Variants in ADNP observed in about 807,000 individuals in gnomAD.
The protein encoded by ADNP is activity-dependent neuroprotector homeobox protein.
ADNP carries 4 observed loss-of-function variants against 84.9 expected under a neutral mutation model. The ratio of observed to expected loss-of-function variants is 0.05; its 90% CI spans 0.02 to 0.11. The LOEUF (loss-of-function observed/expected upper bound fraction) is 0.11, where lower values mean the gene tolerates loss of function less well. Among genes scored for constraint, ADNP ranks in the 10% least tolerant of loss-of-function variants. ADNP has a pLI of 1.00. For missense variants in ADNP, 1,132 were observed against 1,326.0 expected, an observed-to-expected ratio of 0.85 and a Z score of 2.27; for synonymous variants, 554 against 468.1, an observed-to-expected ratio of 1.18 and a Z score of -2.37.
intron 2 of ADNP, among the ~76,000 whole-genome samples, chr20:50,910,778 G>A (rs903249726): frequency 1.3e-5 from 2 of 151,956 alleles, no homozygotes; most frequent in Admixed American, 6.6e-5. Flanking sequence ...CCTCAGCCTC[G>A]CAAGTAGATG....
chr20:50,899,801 A>C (rs1444409727), intron 5 of ADNP, among the ~76,000 whole-genome samples: 2 of 151,992 alleles, frequency 1.3e-5, no homozygotes, highest in Admixed American at 1.3e-4. Flanking sequence ...AAAAAAAAAA[A>C]AAAGTTTAAG....
intron 2 of ADNP, among the ~76,000 whole-genome samples, chr20:50,927,261 C>T (rs1368425054): frequency 1.3e-5 from 2 of 152,118 alleles, no homozygotes; most frequent in Non-Finnish European, 2.9e-5. Flanking sequence ...AAATCAATGA[C>T]TTCCAAGGTT....
intron 2 of ADNP, among the ~76,000 whole-genome samples, chr20:50,905,776 A>G (rs775544681): frequency 7.9e-5 from 12 of 152,244 alleles, no homozygotes; most frequent in Non-Finnish European, 1.5e-4. Flanking sequence ...TTGTGAAGCC[A>G]ACTACAGACT....
At chr20:50,904,382 A>C in intron 3 of ADNP, 1 of 168,694 alleles carries the variant, frequency 5.9e-6, no homozygotes, top group Admixed American at 5.9e-5. Context: ...TGCCCAACTA[A>C]TTTTTAAAAT....
chr20:50,900,942 A>G (rs1158099799), intron 5 of ADNP, among the ~76,000 whole-genome samples: 1 of 152,242 alleles, frequency 6.6e-6, no homozygotes, highest in Non-Finnish European at 1.5e-5. Flanking sequence ...ATTCAAATCA[A>G]GAAGTTAAAT....
At chr20:50,921,062 A>G (rs1983927640) in intron 2 of ADNP, among the ~76,000 whole-genome samples, 1 of 152,240 alleles carries the variant, frequency 6.6e-6, no homozygotes, top group Non-Finnish European at 1.5e-5. Context: ...GAAGGACACT[A>G]TCTCATTGTT....
chr20:50,913,799 G>C (rs56248493), intron 2 of ADNP: 12 of 489,934 alleles, frequency 2.4e-5, no homozygotes, highest in South Asian at 2.1e-4. Context: ...AGGTGAAGGA[G>C]AGGATTCTGG....
At chr20:50,901,951 G>A (rs1982028250) in intron 5 of ADNP, 66 bp downstream of exon 5, 12 of 1,184,970 alleles carry the variant, frequency 1.0e-5, no homozygotes, top group Middle Eastern at 1.9e-4. Context: ...GCTATAAAAG[G>A]CCTAGAGCTG....
At chr20:50,904,136 C>T in intron 3 of ADNP, 135 bp from the exon 4 acceptor site, 1 of 622,706 alleles carries the variant, frequency 1.6e-6, no homozygotes, top group Non-Finnish European at 2.8e-6. Context: ...CTAGTGTGTA[C>T]ACACACAGAC....
chr20:50,891,965 G>C lies in ADNP; in HGVS notation c.2749C>G (p.Pro917Ala), dbSNP rs142988030. ...TCCTCAGATTCTGAAGCATCCTCAG[G>C]AATTACCTTCAGTACATGTTCCTCT... ...NPEEHVLKVI[P>A]EDASESEEKL... Residue 917 changes from proline to alanine, a missense_variant, in exon 6 of 6, where the codon CCT becomes GCT. By Grantham distance (27) the Pro-to-Ala change is conservative (BLOSUM62 -1). This residue lies in a region of ADNP where 381 missense variants were observed against 319.9 expected (regional missense o/e 1.19). Coordinates refer to ENST00000621696, the MANE Select transcript of ADNP (RefSeq NM_001282531.3). The C allele has an allele frequency of 1.2e-6, 2 of 1,614,018 alleles. No individual in the cohort carries two copies. Among genetic ancestry groups the C allele is most frequent in the Non-Finnish European group, 1.7e-6 (2 of 1,180,024 alleles).
At chr20:50,923,654 A>G (rs1200478581) in intron 2 of ADNP, among the ~76,000 whole-genome samples, 1 of 152,148 alleles carries the variant, frequency 6.6e-6, no homozygotes, top group Non-Finnish European at 1.5e-5. Context: ...AGTAGCTGAG[A>G]CTACATGTGA....
chr20:50,915,820 G>A (rs1160744102), intron 2 of ADNP, among the ~76,000 whole-genome samples: 1 of 152,204 alleles, frequency 6.6e-6, no homozygotes, highest in Non-Finnish European at 1.5e-5. Flanking sequence ...GAACCAGGAA[G>A]ATAAGAAAGA....
At chr20:50,906,805 G>C (rs905280443) in intron 2 of ADNP, among the ~76,000 whole-genome samples, 1 of 152,104 alleles carries the variant, frequency 6.6e-6, no homozygotes, top group Non-Finnish European at 1.5e-5. Flanking sequence ...TTCAGCCACA[G>C]AGTTGGTGTT....
At chr20:50,900,420 A>C (rs906496169) in intron 5 of ADNP, among the ~76,000 whole-genome samples, 1 of 152,214 alleles carries the variant, frequency 6.6e-6, no homozygotes, top group African/African-American at 2.4e-5. Flanking sequence ...ATTTCTCAGA[A>C]TGCATCCCAT....
chr20:50,896,889 T>A (rs1427594797), intron 5 of ADNP, among the ~76,000 whole-genome samples: 1 of 152,056 alleles, frequency 6.6e-6, no homozygotes, highest in Non-Finnish European at 1.5e-5. Flanking sequence ...ACCATGAATA[T>A]TCTTCTCTAT....
chr20:50,899,054 G>T (rs1204967056), intron 5 of ADNP, among the ~76,000 whole-genome samples: 6 of 152,080 alleles, frequency 3.9e-5, no homozygotes, highest in Non-Finnish European at 7.4e-5. Context: ...CTTATATGTG[G>T]ATTTTTTCCA....
intron 2 of ADNP, among the ~76,000 whole-genome samples, chr20:50,925,817 G>A (rs1167357311): frequency 6.6e-6 from 1 of 152,368 alleles, no homozygotes; most frequent in Non-Finnish European, 1.5e-5. Context: ...AACTAGGAGA[G>A]GGGCTGGGAG....
rs1449393175 is a variant in ADNP at position 50,890,153 on chromosome 20, A to AG, written c.*1251_*1252insC. The stretch of plus-strand genomic sequence containing the variant: ...AGTTAAAAAAAAAAAAAAAAAAAAA[A>AG]AAAAAAAAGAAAAACAGATTTTGTA... On this transcript the variant is annotated 3_prime_UTR_variant, in exon 6 of 6. Transcript: ENST00000621696. 8 of 264,076 alleles carry AG rather than the reference A, an allele frequency of 3.0e-5. No individual in the cohort carries two copies. Among genetic ancestry groups the AG allele is most frequent in the Non-Finnish European group, 4.2e-5 (6 of 143,950 alleles). 16.4% of individuals were successfully genotyped at this position (264,076 alleles called of 1,614,324 possible).
chr20:50,902,964 G>GT (rs1982130819), intron 4 of ADNP, among the ~76,000 whole-genome samples: 1 of 152,196 alleles, frequency 6.6e-6, no homozygotes, highest in African/African-American at 2.4e-5. Context: ...AGCAGCTTCT[G>GT]TTTCCATGCC....
Sources: allele counts gnomAD v4.1 joint callset (sites outside exome capture counted in the v4.1 genomes callset), GRCh38; gene constraint gnomAD v4.1.1; regional missense constraint gnomAD v4.1.1; transcripts MANE v1.5; gene names NCBI Gene and HGNC (gene_info 2026-07-23, HGNC 2026-07-21).